LYRM4: variants seen among roughly 807,000 people sequenced by gnomAD.
LYRM4 encodes LYR motif-containing protein 4.
Under a neutral mutation model 11.7 loss-of-function variants are expected in LYRM4, and 9 were observed. The ratio of observed to expected loss-of-function variants is 0.77; its 90% CI spans 0.46 to 1.34. The LOEUF is 1.34. Among genes scored for constraint, LYRM4 ranks in the 40% most tolerant of loss-of-function variants. LYRM4 has a pLI of 0.00. For synonymous variants in LYRM4, 42 were observed against 40.4 expected (o/e 1.04, Z -0.15); for missense variants, 133 against 112.5 (o/e 1.18, Z -0.82).
In LYRM4 at chr6:5,162,180, C is replaced by G. The variant is rs73363018; in HGVS notation, c.208-52689G>C. 1.8e-3 allele frequency among the ~76,000 whole-genome samples: 270 copies of G among 152,318 alleles called. 5 individuals carry two copies. The highest frequency in any genetic ancestry group is 6.3e-3 in the African/African-American group (262 of 41,558). ...AACCCTGCCTGCACTGCAGAATCACCTGGCTACACTCTTGGCCTCAGGCAC... is the reference window on the plus strand; with the variant it reads ...AACCCTGCCTGCACTGCAGAATCACGTGGCTACACTCTTGGCCTCAGGCAC... On this transcript the variant is annotated intron_variant, in intron 2 of 2. Transcript: ENST00000330636.
intron 2 of LYRM4, among the ~76,000 whole-genome samples, chr6:5,167,926 A>C (rs1039588486): frequency 6.6e-6 from 1 of 152,196 alleles, no homozygotes; most frequent in African/African-American, 2.4e-5. Context: ...AAAGGAAAAA[A>C]AAACTGTTAT....
intron 2 of LYRM4, among the ~76,000 whole-genome samples, chr6:5,115,871 T>C (rs1402000170): frequency 2.0e-5 from 3 of 152,186 alleles, no homozygotes; most frequent in African/African-American, 4.8e-5. Flanking sequence ...GTCTGTCTGA[T>C]ACATATACTG....
intron 2 of LYRM4, among the ~76,000 whole-genome samples, chr6:5,200,945 T>C (rs963750710): frequency 1.3e-5 from 2 of 152,204 alleles, no homozygotes; most frequent in African/African-American, 4.8e-5. Flanking sequence ...AGTAATACCG[T>C]GTAAAACAGA....
chr6:5,166,601 A>T (rs1759100719), intron 2 of LYRM4, among the ~76,000 whole-genome samples: 1 of 152,224 alleles, frequency 6.6e-6, no homozygotes, highest in Non-Finnish European at 1.5e-5. Context: ...TATCCCCAAA[A>T]TAACCCACGT....
chr6:5,180,824 G>A (rs569067338), intron 2 of LYRM4, among the ~76,000 whole-genome samples: 5 of 152,246 alleles, frequency 3.3e-5, no homozygotes, highest in East Asian at 1.9e-4. Context: ...TCCCATGTGC[G>A]CCAGAACACT....
At chr6:5,138,430 A>C (rs886659730) in intron 2 of LYRM4, among the ~76,000 whole-genome samples, 1 of 140,288 alleles carries the variant, frequency 7.1e-6, no homozygotes, top group Admixed American at 7.7e-5. Context: ...GGCTGCGGAG[A>C]GCCGTAATCA....
the LYRM4 span, chr6:5,085,956 G>T: frequency 7.2e-6 from 11 of 1,526,582 alleles, no homozygotes; most frequent in Non-Finnish European, 9.6e-6. Flanking sequence ...CGCAGGTGCC[G>T]CCCGCCGTGC....
chr6:5,071,473 A>G, the LYRM4 span, among the ~76,000 whole-genome samples: 1 of 152,112 alleles, frequency 6.6e-6, no homozygotes, highest in African/African-American at 2.4e-5. Context: ...TGAGCAAGGT[A>G]CTTGGCTTGG....
intron 2 of LYRM4, among the ~76,000 whole-genome samples, chr6:5,174,493 G>GA (rs1759608772): frequency 6.6e-6 from 1 of 152,292 alleles, no homozygotes; most frequent in African/African-American, 2.4e-5. Flanking sequence ...GTTTCAAAAT[G>GA]AAAGGGGAGA....
At chr6:5,185,476 G>C (rs1379993345) in intron 2 of LYRM4, among the ~76,000 whole-genome samples, 1 of 152,144 alleles carries the variant, frequency 6.6e-6, no homozygotes, top group Non-Finnish European at 1.5e-5. Context: ...GATATAAAGG[G>C]AATACAAACA....
intron 2 of LYRM4, among the ~76,000 whole-genome samples, chr6:5,197,552 G>T (rs1356447279): frequency 1.3e-5 from 2 of 151,996 alleles, no homozygotes; most frequent in South Asian, 2.1e-4. Flanking sequence ...GCGGGTGCCT[G>T]TAATCCCAGC....
Position 5,120,098 on chromosome 6 carries a change from T to C in LYRM4, c.208-10607A>G, listed in dbSNP as rs143663599. Among the ~76,000 whole-genome samples the C allele has an allele frequency of 4.4e-3, 677 of 152,152 alleles. 3 individuals are homozygous for C. The highest frequency in any genetic ancestry group is 0.016 in the African/African-American group (646 of 41,530). ...TTTTAGTAGAGATGGGGTTTTGCCA[T>C]ATTGGCCAGGCTGGTCATCATCTCC... On this transcript the variant is annotated intron_variant, in intron 2 of 2. Transcript: ENST00000330636.
At chr6:5,192,051 G>A (rs1484502824) in intron 2 of LYRM4, among the ~76,000 whole-genome samples, 1 of 152,110 alleles carries the variant, frequency 6.6e-6, no homozygotes, top group Non-Finnish European at 1.5e-5. Flanking sequence ...ATGCTTGCAT[G>A]GATTCTGGAT....
At chr6:5,243,616 T>A (rs184629920) in intron 1 of LYRM4, among the ~76,000 whole-genome samples, 1 of 134,770 alleles carries the variant, frequency 7.4e-6, no homozygotes, top group Non-Finnish European at 1.5e-5. Context: ...CTGAAGTATA[T>A]GAAGCGTTTG....
the LYRM4 span, chr6:5,086,092 C>T: frequency 2.7e-6 from 4 of 1,458,966 alleles, no homozygotes; most frequent in Non-Finnish European, 3.6e-6. Context: ...GCTCTTCCAG[C>T]TCCCGGGGCC....
At chr6:5,072,469 C>T in the LYRM4 span, among the ~76,000 whole-genome samples, 5 of 152,132 alleles carry the variant, frequency 3.3e-5, no homozygotes, top group Admixed American at 3.3e-4. Context: ...CATTTTTCTC[C>T]ACAACCTCGT....
the LYRM4 span, among the ~76,000 whole-genome samples, chr6:5,037,028 T>TTTTTTTA: frequency 2.6e-4 from 3 of 11,604 alleles, 1 homozygote; most frequent in Non-Finnish European, 7.2e-4. Flanking sequence ...TTTTTTTTTT[T>TTTTTTTA]ATTGATCATT....
chr6:5,152,076 AC>A (rs1758120279), intron 2 of LYRM4, among the ~76,000 whole-genome samples: 1 of 152,212 alleles, frequency 6.6e-6, no homozygotes, highest in African/African-American at 2.4e-5. Context: ...AAAGAATGAT[AC>A]CATATTCTTG....
intron 1 of LYRM4, among the ~76,000 whole-genome samples, chr6:5,230,428 T>A (rs999038978): frequency 1.3e-5 from 2 of 152,078 alleles, no homozygotes; most frequent in African/African-American, 4.8e-5. Context: ...GCTTCTTTTT[T>A]CCCCCCACCT....
Sources: allele counts gnomAD v4.1 joint callset (sites outside exome capture counted in the v4.1 genomes callset), GRCh38; gene constraint gnomAD v4.1.1; transcripts MANE v1.5; gene names NCBI Gene and HGNC (gene_info 2026-07-23, HGNC 2026-07-21).